The following RIMS1 variants were observed in gnomAD, a reference collection of about 807,000 sequenced individuals.
The protein encoded by RIMS1 is regulating synaptic membrane exocytosis protein 1.
In RIMS1, 83 loss-of-function variants were observed where a neutral mutation model predicts 214.1. The ratio of observed to expected loss-of-function variants is 0.39; its 90% CI spans 0.32 to 0.47. RIMS1 has a LOEUF of 0.47. Ranked by LOEUF, RIMS1 falls within the 20% of genes least tolerant of loss-of-function variation. RIMS1 has a pLI of 0.99. For synonymous variants in RIMS1, 793 were observed against 786.8 expected, an observed-to-expected ratio of 1.01 and a Z score of -0.13; for missense variants, 2,050 against 2,161.8, an observed-to-expected ratio of 0.95 and a Z score of 1.03.
At chr6:71,932,877 A>G (rs1366152655) in intron 1 of RIMS1, among the ~76,000 whole-genome samples, 2 of 152,172 alleles carry the variant, frequency 1.3e-5, no homozygotes, top group African/African-American at 2.4e-5. Flanking sequence ...AAGATAGAGG[A>G]GCAAAAGGAA....
chr6:72,224,362 A>C (rs1004887716), intron 6 of RIMS1, among the ~76,000 whole-genome samples: 3 of 152,172 alleles, frequency 2.0e-5, no homozygotes, highest in Non-Finnish European at 4.4e-5. Flanking sequence ...TCAAGGATAA[A>C]CTCTCTAAAG....
At chr6:72,080,781 C>T (rs1481369157) in intron 2 of RIMS1, among the ~76,000 whole-genome samples, 1 of 152,192 alleles carries the variant, frequency 6.6e-6, no homozygotes, top group Non-Finnish European at 1.5e-5. Context: ...TGTGCTCCCT[C>T]ACCTCCTTCA....
At chr6:72,250,787 C>G (rs2072940227) in intron 13 of RIMS1, 134 bp from the exon 14 acceptor site, 2 of 589,004 alleles carry the variant, frequency 3.4e-6, no homozygotes, top group East Asian at 2.9e-5. Context: ...TTATTAAACT[C>G]TATTATCTTT....
intron 29 of RIMS1, among the ~76,000 whole-genome samples, chr6:72,366,504 G>A (rs1401375804): frequency 6.6e-6 from 1 of 152,134 alleles, no homozygotes; most frequent in Non-Finnish European, 1.5e-5. Context: ...TGTTTAAAAT[G>A]TTGTGACTGT....
intron 1 of RIMS1, among the ~76,000 whole-genome samples, chr6:71,907,364 GT>G (rs1775550433): frequency 6.6e-6 from 1 of 152,092 alleles, no homozygotes; most frequent in Non-Finnish European, 1.5e-5. Flanking sequence ...AAAACTCACT[GT>G]ATAAGAATAC....
intron 6 of RIMS1, among the ~76,000 whole-genome samples, chr6:72,190,893 G>A (rs1231825349): frequency 3.9e-5 from 6 of 152,184 alleles, no homozygotes; most frequent in African/African-American, 1.4e-4. Flanking sequence ...TTCCAGTAAA[G>A]CCCAGGAACA....
chr6:72,261,938 G>A (rs1008603491), intron 19 of RIMS1: 6 of 984,260 alleles, frequency 6.1e-6, no homozygotes, highest in Middle Eastern at 5.2e-4. Flanking sequence ...AACTATCCAG[G>A]TTTATTATTA....
chr6:72,298,305 CATT>C (rs1271996648), intron 26 of RIMS1, among the ~76,000 whole-genome samples: 3 of 151,938 alleles, frequency 2.0e-5, no homozygotes, highest in South Asian at 2.1e-4. Flanking sequence ...ATATTTATCT[CATT>C]ATATTTTCAC....
chr6:71,889,256 T>G (rs1768849964), intron 1 of RIMS1, among the ~76,000 whole-genome samples: 1 of 151,840 alleles, frequency 6.6e-6, no homozygotes, highest in African/African-American at 2.4e-5. Flanking sequence ...TAAGTGGGAG[T>G]GGGTGAGTTT....
At chr6:72,387,940 A>G (rs2098640470) in intron 29 of RIMS1, among the ~76,000 whole-genome samples, 1 of 152,238 alleles carries the variant, frequency 6.6e-6, no homozygotes, top group African/African-American at 2.4e-5. Context: ...CAATCTTTAA[A>G]AAGAATAAAT....
At chr6:71,895,757 T>G (rs1638468539) in intron 1 of RIMS1, among the ~76,000 whole-genome samples, 1 of 150,690 alleles carries the variant, frequency 6.6e-6, no homozygotes, top group Non-Finnish European at 1.5e-5. Flanking sequence ...TGTTTTCAAT[T>G]TATGTGGTTT....
Position 72,359,252 on chromosome 6 carries a change from G to A in RIMS1, c.4366+25417G>A, listed in dbSNP as rs192773555. Among the ~76,000 whole-genome samples, 347 of 152,288 alleles carry A rather than the reference G, an allele frequency of 2.3e-3. 1 individual carries two copies. Among genetic ancestry groups the A allele is most frequent in the Non-Finnish European group, 3.2e-4 (22 of 68,018 alleles). On this transcript the variant is annotated intron_variant, in intron 29 of 33. Coordinates refer to ENST00000521978, the MANE Select transcript of RIMS1 (RefSeq NM_014989.7). The stretch of plus-strand genomic sequence containing the variant: ...ATCTCCAGAAAGAATTCTTTATATA[G>A]CAAGCTTTTAATGTGCTGGTCACAT...
intron 29 of RIMS1, among the ~76,000 whole-genome samples, chr6:72,349,185 T>C (rs909932353): frequency 6.6e-6 from 1 of 152,058 alleles, no homozygotes; most frequent in Non-Finnish European, 1.5e-5. Context: ...CAATGATTAG[T>C]CATAGTTTTA....
At chr6:71,914,658 A>C (rs374718436) in intron 1 of RIMS1, among the ~76,000 whole-genome samples, 1 of 152,162 alleles carries the variant, frequency 6.6e-6, no homozygotes, top group South Asian at 2.1e-4. Context: ...CAGACTTCTT[A>C]TTCTATAAAA....
At chr6:72,170,475 C>G (rs559404447) in intron 4 of RIMS1, among the ~76,000 whole-genome samples, 2 of 152,266 alleles carry the variant, frequency 1.3e-5, no homozygotes, top group South Asian at 4.1e-4. Context: ...TCCTGAGTAG[C>G]TGGGATTACA....
chr6:72,398,182 C>T (rs1268579554), intron 31 of RIMS1, 67 bp from the exon 32 acceptor site: 1 of 956,152 alleles, frequency 1.0e-6, no homozygotes, highest in African/African-American at 1.6e-5. Context: ...TACGGGCTCT[C>T]CTTTTTGTTT....
intron 28 of RIMS1, among the ~76,000 whole-genome samples, chr6:72,325,464 T>TAA (rs2096412055): frequency 6.6e-6 from 1 of 150,888 alleles, no homozygotes; most frequent in South Asian, 2.1e-4. Flanking sequence ...TATATATATA[T>TAA]AATAACTATT....
At chr6:72,055,917 C>T (rs770143315) in intron 2 of RIMS1, among the ~76,000 whole-genome samples, 18 of 151,992 alleles carry the variant, frequency 1.2e-4, no homozygotes, top group African/African-American at 3.4e-4. Flanking sequence ...ATTGAGTATA[C>T]GCCCAAAGGA....
chr6:71,923,628 G>A (rs1225897255), intron 1 of RIMS1, among the ~76,000 whole-genome samples: 4 of 151,768 alleles, frequency 2.6e-5, no homozygotes, highest in South Asian at 2.1e-4. Context: ...GTGCAGTGGC[G>A]TGATCTTGGC....
Sources: gnomAD v4.1 joint callset for allele counts (sites outside exome capture counted in the v4.1 genomes callset) on GRCh38, gnomAD v4.1.1 for gene constraint, MANE v1.5 for transcripts, NCBI Gene and HGNC (gene_info 2026-07-23, HGNC 2026-07-21) for gene names.